LAMC1: variants seen among roughly 807,000 people sequenced by gnomAD.
The protein encoded by LAMC1 is laminin subunit gamma 1.
Under a neutral mutation model 173.6 loss-of-function variants are expected in LAMC1, and 38 were observed. The ratio of observed to expected loss-of-function variants is 0.22; its 90% CI spans 0.17 to 0.29. The LOEUF (loss-of-function observed/expected upper bound fraction) is 0.29. LAMC1 is among the 10% of genes least tolerant of loss of function. The probability of loss-of-function intolerance (pLI) is 1.00; values close to 1 mark genes in which losing one functional copy is unlikely to be tolerated. For synonymous variants in LAMC1, 746 were observed against 749.1 expected (o/e 1.00, Z 0.07); for missense variants, 1,824 against 2,051.8 (o/e 0.89, Z 2.14).
chr1:183,122,704 T>C (rs1161930435), intron 13 of LAMC1, among the ~76,000 whole-genome samples: 1 of 152,074 alleles, frequency 6.6e-6, no homozygotes, highest in Non-Finnish European at 1.5e-5. Flanking sequence ...AATGTCAGGC[T>C]CCATTTGCAT....
rs758494910 is a variant in LAMC1 at position 183,110,607 on chromosome 1, A to G, written c.974A>G (p.Asp325Gly). ...DCEKCLPFFN[D>G]RPWRRATAES... The stretch of plus-strand genomic sequence containing the variant: ...GAAAAGTGTCTTCCTTTCTTCAATG[A>G]CCGGCCGTGGAGGAGGGCAACTGCG... Residue 325 changes from aspartate (D) to glycine (G), a missense_variant, in exon 4 of 28, where the codon GAC becomes GGC. By Grantham distance (94) the Asp-to-Gly change is moderately conservative (BLOSUM62 -1). Transcript: ENST00000258341. 1 of 1,613,974 alleles carries G rather than the reference A, an allele frequency of 6.2e-7. No homozygotes were observed. The highest frequency in any genetic ancestry group is 1.1e-5 in the South Asian group (1 of 91,048).
chr1:183,063,008 A>G (rs1654780657), intron 1 of LAMC1, among the ~76,000 whole-genome samples: 1 of 152,208 alleles, frequency 6.6e-6, no homozygotes, highest in Non-Finnish European at 1.5e-5. Flanking sequence ...TGACATCCAC[A>G]GTAGTTATCA....
chr1:183,073,155 G>A (rs1047222062), intron 1 of LAMC1, among the ~76,000 whole-genome samples: 1 of 152,128 alleles, frequency 6.6e-6, no homozygotes, highest in African/African-American at 2.4e-5. Flanking sequence ...GTAGCATTAA[G>A]ACTTAAGTTT....
At chr1:183,038,124 C>T (rs1464089658) in intron 1 of LAMC1, among the ~76,000 whole-genome samples, 1 of 151,706 alleles carries the variant, frequency 6.6e-6, no homozygotes, top group African/African-American at 2.4e-5. Flanking sequence ...CAACCTCCGC[C>T]TCCCAGGTTC....
chr1:183,142,746 T>C lies in LAMC1; in HGVS notation c.4786T>C (p.Leu1596=). The change falls in exon 28 of 28, where the codon TTA becomes CTA. Residue 1596 remains leucine (L), a synonymous_variant. Transcript: ENST00000258341. ...CAATCTGGAGGACATCAGGAAGACC[T>C]TACCATCTGGCTGCTTCAACACCCC... is the stretch of plus-strand genomic sequence containing the variant. ...IRNLEDIRKT[L]PSGCFNTPSI... 2.5e-6 allele frequency: 4 copies of C among 1,613,916 alleles called. No homozygotes were observed. Among genetic ancestry groups the C allele is most frequent in the Non-Finnish European group, 3.4e-6 (4 of 1,179,884 alleles).
chr1:183,044,956 T>G (rs1654229896), intron 1 of LAMC1, among the ~76,000 whole-genome samples: 1 of 151,692 alleles, frequency 6.6e-6, no homozygotes, highest in Non-Finnish European at 1.5e-5. Context: ...CACTAAAGCC[T>G]TCTTCTTGTC....
Position 183,144,082 on chromosome 1 carries a change from T to C in LAMC1, c.*1292T>C, listed in dbSNP as rs181888770. The C allele has an allele frequency of 6.5e-6, 1 of 152,688 alleles. No homozygotes were observed. Among genetic ancestry groups the C allele is most frequent in the Non-Finnish European group, 1.5e-5 (1 of 68,032 alleles). The allele number at this position is 152,688 out of a possible 1,614,324, so 9.5% of individuals were successfully genotyped here. A position where few individuals can be genotyped will look rare whatever the true frequency, so the allele number is the denominator to read the frequency against. The stretch of plus-strand genomic sequence containing the variant: ...GTTTCCTAGTGGGCTTCTCAACTTT[T>C]GATCCTCAGCTCTGTGGTTTTAAGA... On this transcript the variant is annotated 3_prime_UTR_variant, in exon 28 of 28. Transcript: ENST00000258341.
Position 183,103,598 on chromosome 1 carries a change from G to T in LAMC1, c.689G>T (p.Ser230Ile). 6.3e-7 allele frequency: 1 copy of T among 1,591,176 alleles called. No homozygotes were observed. The highest frequency in any genetic ancestry group is 8.6e-7 in the Non-Finnish European group (1 of 1,169,388). The change falls in exon 2 of 28, where the codon AGC becomes ATC. Residue 230 changes from serine to isoleucine, a missense_variant. Physicochemically the swap from Ser to Ile is moderately radical, Grantham distance 142. Transcript: ENST00000258341. The stretch of plus-strand genomic sequence containing the variant: ...TTTTCTACCCTGGAAGGAAGGCCCA[G>T]CGCCTATAACTTTGACAATAGCCCT... ...VAFSTLEGRPSAYNFDNSPVL... is the reference protein window; with the variant it reads ...VAFSTLEGRPIAYNFDNSPVL...
chr1:183,035,199 A>G (rs4129858), intron 1 of LAMC1, among the ~76,000 whole-genome samples: 58,409 of 152,010 alleles, frequency 0.38, 11,632 homozygotes, highest in East Asian at 0.49. Flanking sequence ...AAAAAAATAT[A>G]TATGTTTTAG....
At chr1:183,138,089 A>G (rs144197763) in intron 26 of LAMC1, 27 of 366,242 alleles carry the variant, frequency 7.4e-5, no homozygotes, top group African/African-American at 5.9e-4. Flanking sequence ...GTTTTAGGAC[A>G]TTAAAAGTAT....
intron 2 of LAMC1, 130 bp from the exon 3 acceptor site, chr1:183,108,143 TATA>T (rs1247036610): frequency 8.2e-6 from 6 of 730,980 alleles, no homozygotes; most frequent in Non-Finnish European, 1.3e-5. Flanking sequence ...CATTGAGTAT[TATA>T]ATAGATTTAG....
intron 1 of LAMC1, among the ~76,000 whole-genome samples, chr1:183,027,377 T>C (rs572753070): frequency 6.6e-6 from 1 of 152,314 alleles, no homozygotes; most frequent in South Asian, 2.1e-4. Flanking sequence ...TTATGTCTTA[T>C]AAGTTATAGT....
At chr1:183,130,627 G>A (rs544528803) in intron 19 of LAMC1, 78 bp downstream of exon 19, 153 of 1,142,676 alleles carry the variant, frequency 1.3e-4, no homozygotes, top group Non-Finnish European at 1.7e-4. Flanking sequence ...TGGCAGTGGA[G>A]TGCTTCTTCA....
chr1:183,111,222 G>A (rs907523471), intron 4 of LAMC1, among the ~76,000 whole-genome samples: 1 of 151,940 alleles, frequency 6.6e-6, no homozygotes, highest in Non-Finnish European at 1.5e-5. Flanking sequence ...GAGTAGCTGG[G>A]ATTACAGGTG....
Position 183,117,363 on chromosome 1 carries a change from A to C in LAMC1, c.1608A>C (p.Ala536=). ...CGGAACAGAGAGATGGCTCTGAAGC[A>C]TCTCTCGAGTGGTCCTCTGAGAGGC... The part of the protein sequence containing the change: ...WRAEQRDGSE[A]SLEWSSERQD... Residue 536 remains alanine, a synonymous_variant, in exon 9 of 28, where the codon GCA becomes GCC. Coordinates refer to ENST00000258341, the MANE Select transcript of LAMC1 (RefSeq NM_002293.4). 1 of 1,613,080 alleles carries C rather than the reference A, an allele frequency of 6.2e-7. No homozygotes were observed. Among genetic ancestry groups the C allele is most frequent in the Non-Finnish European group, 8.5e-7 (1 of 1,179,112 alleles).
Position 183,131,362 on chromosome 1 carries a change from C to G in LAMC1, c.3550C>G (p.Arg1184Gly). 6.2e-7 allele frequency: 1 copy of G among 1,612,960 alleles called. No homozygotes were observed. Among genetic ancestry groups the G allele is most frequent in the South Asian group, 1.1e-5 (1 of 91,050 alleles). The change falls in exon 20 of 28, where the codon CGA becomes GGA. Residue 1184 changes from arginine to glycine, a missense_variant. Coordinates refer to ENST00000258341, the MANE Select transcript of LAMC1 (RefSeq NM_002293.4). ...NNMTLLAEEA[R>G]KLAERHKQEA... ...CATGACTCTTTTGGCAGAAGAGGCT[C>G]GAAAGCTTGCTGAACGGTAACTTCT...
intron 1 of LAMC1, among the ~76,000 whole-genome samples, chr1:183,036,656 G>C (rs1653992950): frequency 6.6e-6 from 1 of 152,158 alleles, no homozygotes; most frequent in African/African-American, 2.4e-5. Context: ...TTCCCAAAGT[G>C]CTGAGATTAC....
intron 1 of LAMC1, among the ~76,000 whole-genome samples, chr1:183,097,035 G>A (rs1414953939): frequency 6.6e-6 from 1 of 152,134 alleles, no homozygotes; most frequent in Non-Finnish European, 1.5e-5. Flanking sequence ...CCCACAGTCA[G>A]TATTAAGTTG....
In LAMC1 at chr1:183,130,495, G is replaced by C; in HGVS notation, c.3432G>C (p.Leu1144Phe). Residue 1144 changes from leucine to phenylalanine, a missense_variant, in exon 19 of 28, where the codon TTG becomes TTC. By Grantham distance (22) the Leu-to-Phe change is conservative. Coordinates refer to ENST00000258341, the MANE Select transcript of LAMC1 (RefSeq NM_002293.4). ...ARAHVENTER[L>F]IEIASRELEK... ...CCCATGTAGAGAACACAGAGCGGTT[G>C]ATTGAAATCGCATCCAGAGAACTTG... 6.2e-7 allele frequency: 1 copy of C among 1,614,212 alleles called. No homozygotes were observed. The highest frequency in any genetic ancestry group is 8.5e-7 in the Non-Finnish European group (1 of 1,180,038).
Sources: allele counts gnomAD v4.1 joint callset (sites outside exome capture counted in the v4.1 genomes callset), GRCh38; gene constraint gnomAD v4.1.1; transcripts MANE v1.5; gene names NCBI Gene and HGNC (gene_info 2026-07-23, HGNC 2026-07-21).